KRTAP6-3: variants seen among roughly 807,000 people sequenced by gnomAD.
KRTAP6-3 encodes the protein keratin associated protein 6-3.
For missense variants in KRTAP6-3, 121 were observed against 133.1 expected, an observed-to-expected ratio of 0.91 and a Z score of 0.45; for synonymous variants, 62 against 57.5, an observed-to-expected ratio of 1.08 and a Z score of -0.36.
Position 30,592,577 on chromosome 21 carries a change from CGGAGGCCTGGGCTTTGGCTAT to C in KRTAP6-3, c.143_163del (p.Gly48_Leu54del), listed in dbSNP as rs1444785993. 6.2e-7 allele frequency: 1 copy of C among 1,611,290 alleles called. No homozygotes were observed. The highest frequency in any genetic ancestry group is 2.2e-5 in the East Asian group (1 of 44,682). On this transcript the variant is annotated inframe_deletion, in exon 1 of 1. Transcript: ENST00000391624. ...GCTGTGGCTATGGGTGCTGTGGCTA[CGGAGGCCTGGGCTTTGGCTAT>C]GGAGGCCTGGACTGTGGCTATGGAG... is the stretch of plus-strand genomic sequence containing the variant.
chr21:30,592,499 T>C lies in KRTAP6-3; in HGVS notation c.54T>C (p.Gly18=), dbSNP rs2123584936. Residue 18 remains glycine (G), a synonymous_variant, in exon 1 of 1, where the codon GGT becomes GGC. Coordinates refer to ENST00000391624, the MANE Select transcript of KRTAP6-3 (RefSeq NM_181605.4). ...GCAGCTACTACAGAAACTACAATGG[T>C]GGCCATGGCTATGGGTGCTGTGGCT... 2 of 1,613,112 alleles carry C rather than the reference T, an allele frequency of 1.2e-6. No homozygotes were observed. Among genetic ancestry groups the C allele is most frequent in the Non-Finnish European group, 1.7e-6 (2 of 1,179,484 alleles).
chr21:30,592,577 C>T lies in KRTAP6-3; in HGVS notation c.132C>T (p.Tyr44=), dbSNP rs540161429. The T allele has an allele frequency of 7.5e-5, 121 of 1,611,290 alleles. No individual in the cohort carries two copies. In the African/African-American group the frequency reaches 1.0e-3, roughly 14 times the overall value. Residue 44 remains tyrosine, a synonymous_variant, in exon 1 of 1, where the codon TAC becomes TAT. Transcript: ENST00000391624. ...GCTGTGGCTATGGGTGCTGTGGCTA[C>T]GGAGGCCTGGGCTTTGGCTATGGAG...
Position 30,592,670 on chromosome 21 carries a change from C to G in KRTAP6-3, c.225C>G (p.Gly75=). The change falls in exon 1 of 1, where the codon GGC becomes GGG. Residue 75 remains glycine (G), a synonymous_variant. Transcript: ENST00000391624. ...CCTTCTGTGGCTGTGGCTACAGAGG[C>G]CTGGACTGTGGCTATGGCTGTGGCT... is the stretch of plus-strand genomic sequence containing the variant. The G allele has an allele frequency of 6.2e-6, 10 of 1,613,840 alleles. No homozygotes were observed. The highest frequency in any genetic ancestry group is 8.5e-6 in the Non-Finnish European group (10 of 1,179,890).
In KRTAP6-3 at chr21:30,592,929, A is replaced by T; in HGVS notation, c.*151A>T. 1 of 1,397,954 alleles carries T rather than the reference A, an allele frequency of 7.2e-7. No individual in the cohort carries two copies. Among genetic ancestry groups the T allele is most frequent in the Non-Finnish European group, 9.4e-7 (1 of 1,062,782 alleles). 86.6% of individuals were successfully genotyped at this position (1,397,954 alleles called of 1,614,324 possible). ...TGTTGATCTACCATCTAACCCAAAA[A>T]TACCCTGAGTTTCCATCATGAAGTG... On this transcript the variant is annotated 3_prime_UTR_variant, in exon 1 of 1. Transcript: ENST00000391624.
the KRTAP6-3 span, chr21:30,592,734 AGGTGC>A: frequency 6.2e-7 from 1 of 1,611,612 alleles, no homozygotes; most frequent in Non-Finnish European, 8.5e-7. Flanking sequence ...CTGTGGCTAT[AGGTGC>A]GGCTCTGGCT....
In KRTAP6-3 at chr21:30,592,552, G is replaced by T. The variant is rs774586130; in HGVS notation, c.107G>T (p.Gly36Val). 1 of 1,613,242 alleles carries T rather than the reference G, an allele frequency of 6.2e-7. No homozygotes were observed. ...GGAGGCCTGGGCTGTGGTTATGGCG[G>T]CTGTGGCTATGGGTGCTGTGGCTAC... The change falls in exon 1 of 1, where the codon GGC becomes GTC. Residue 36 changes from glycine (G) to valine (V), a missense_variant. Transcript: ENST00000391624.
chr21:30,592,570 G>C lies in KRTAP6-3; in HGVS notation c.125G>C (p.Cys42Ser), dbSNP rs74715941. Reference sequence around the variant, plus strand: ...TATGGCGGCTGTGGCTATGGGTGCTGTGGCTACGGAGGCCTGGGCTTTGGC... The same window carrying C: ...TATGGCGGCTGTGGCTATGGGTGCTCTGGCTACGGAGGCCTGGGCTTTGGC... The change falls in exon 1 of 1, where the codon TGT (cysteine) becomes TCT (serine). Residue 42 changes from cysteine (C) to serine (S), a missense_variant. Coordinates refer to ENST00000391624, the MANE Select transcript of KRTAP6-3 (RefSeq NM_181605.4). 2.5e-5 allele frequency: 40 copies of C among 1,611,204 alleles called. No homozygotes were observed. The highest frequency in any genetic ancestry group is 5.0e-5 in the Admixed American group (3 of 59,772).
the KRTAP6-3 span, chr21:30,592,605 C>CTGGACTG: frequency 1.2e-6 from 2 of 1,608,780 alleles, no homozygotes; most frequent in Non-Finnish European, 1.7e-6. Flanking sequence ...CTATGGAGGC[C>CTGGACTG]TGGACTGTGG....
At position 30,592,798 on chromosome 21, in the gene KRTAP6-3, C is replaced by A; in HGVS notation, c.*20C>A. 1 of 1,558,534 alleles carries A rather than the reference C, an allele frequency of 6.4e-7. No individual in the cohort carries two copies. The highest frequency in any genetic ancestry group is 1.2e-5 in the South Asian group (1 of 83,826). On this transcript the variant is annotated 3_prime_UTR_variant, in exon 1 of 1. Coordinates refer to ENST00000391624, the MANE Select transcript of KRTAP6-3 (RefSeq NM_181605.4). ...TATTGAGGACACCATGGGAGACTCT[C>A]ACCCTCTATCCTGTGACATTGCAAT... is the stretch of plus-strand genomic sequence containing the variant.
Position 30,592,802 on chromosome 21 carries a change from C to T in KRTAP6-3, c.*24C>T. 1 of 1,548,322 alleles carries T rather than the reference C, an allele frequency of 6.5e-7. No individual in the cohort carries two copies. The highest frequency in any genetic ancestry group is 1.2e-5 in the South Asian group (1 of 82,278). On this transcript the variant is annotated 3_prime_UTR_variant, in exon 1 of 1. Transcript: ENST00000391624. ...GAGGACACCATGGGAGACTCTCACC[C>T]TCTATCCTGTGACATTGCAATTCAC...
In KRTAP6-3 at chr21:30,592,675, ACTGTGGCTATGG is replaced by A. The variant is rs768420649; in HGVS notation, c.245_256del (p.Cys82_Gly85del). 33 of 1,613,308 alleles carry A rather than the reference ACTGTGGCTATGG, an allele frequency of 2.0e-5. No homozygotes were observed. Among genetic ancestry groups the A allele is most frequent in the East Asian group, 4.5e-5 (2 of 44,832 alleles). On this transcript the variant is annotated inframe_deletion, in exon 1 of 1. Transcript: ENST00000391624. ...TGTGGCTGTGGCTACAGAGGCCTGG[ACTGTGGCTATGG>A]CTGTGGCTATGGCTATGTCTCCCAC...
chr21:30,592,679 T>C lies in KRTAP6-3; in HGVS notation c.234T>C (p.Cys78=). ...GCTGTGGCTACAGAGGCCTGGACTG[T>C]GGCTATGGCTGTGGCTATGGCTATG... Residue 78 remains cysteine, a synonymous_variant, in exon 1 of 1, where the codon TGT becomes TGC. Coordinates refer to ENST00000391624, the MANE Select transcript of KRTAP6-3 (RefSeq NM_181605.4). 1 of 1,613,696 alleles carries C rather than the reference T, an allele frequency of 6.2e-7. No homozygotes were observed. Among genetic ancestry groups the C allele is most frequent in the South Asian group, 1.1e-5 (1 of 91,052 alleles).
Position 30,592,726 on chromosome 21 carries a change from G to T in KRTAP6-3, c.281G>T (p.Cys94Phe). 1 of 1,612,378 alleles carries T rather than the reference G, an allele frequency of 6.2e-7. No homozygotes were observed. Residue 94 changes from cysteine (C) to phenylalanine (F), a missense_variant, in exon 1 of 1, where the codon TGT (cysteine) becomes TTT (phenylalanine). Transcript: ENST00000391624. The stretch of plus-strand genomic sequence containing the variant: ...TATGTCTCCCACTCCTTCTGTGGCT[G>T]TGGCTATAGGTGCGGCTCTGGCTAT...
rs113124062 is a variant in KRTAP6-3 at position 30,592,735 on chromosome 21, G to A, written c.290G>A (p.Arg97Lys). The change falls in exon 1 of 1, where the codon AGG (arginine) becomes AAG (lysine). Residue 97 changes from arginine (R) to lysine (K), a missense_variant. Coordinates refer to ENST00000391624, the MANE Select transcript of KRTAP6-3 (RefSeq NM_181605.4). ...CACTCCTTCTGTGGCTGTGGCTATAGGTGCGGCTCTGGCTATGGCTCCAGC... is the reference window on the plus strand; with the variant it reads ...CACTCCTTCTGTGGCTGTGGCTATAAGTGCGGCTCTGGCTATGGCTCCAGC... The A allele has an allele frequency of 1.2e-6, 2 of 1,611,652 alleles. No homozygotes were observed. Among genetic ancestry groups the A allele is most frequent in the Non-Finnish European group, 1.7e-6 (2 of 1,178,752 alleles).
Position 30,592,597 on chromosome 21 carries a change from A to C in KRTAP6-3, c.152A>C (p.Tyr51Ser), listed in dbSNP as rs9305426. ...GGCTACGGAGGCCTGGGCTTTGGCT[A>C]TGGAGGCCTGGACTGTGGCTATGGA... is the stretch of plus-strand genomic sequence containing the variant. The change falls in exon 1 of 1, where the codon TAT becomes TCT. Residue 51 changes from tyrosine (Y) to serine (S), a missense_variant. Physicochemically the swap from Tyr to Ser is moderately radical, Grantham distance 144. Transcript: ENST00000391624. 965,706 of 1,613,010 alleles carry C rather than the reference A, an allele frequency of 0.6. 291,952 individuals are homozygous for C. The highest frequency in any genetic ancestry group is 0.72 in the Middle Eastern group (4,361 of 6,060).
rs1465961357 is a variant in KRTAP6-3 at position 30,592,774 on chromosome 21, A to G, written c.329A>G (p.Tyr110Cys). 2 of 1,595,006 alleles carry G rather than the reference A, an allele frequency of 1.3e-6. No individual in the cohort carries two copies. Among genetic ancestry groups the G allele is most frequent in the Non-Finnish European group, 1.7e-6 (2 of 1,169,926 alleles). ...TATGGCTCCAGCTTTGGCTACTACT[A>G]TTGAGGACACCATGGGAGACTCTCA... Residue 110 changes from tyrosine to cysteine, a missense_variant, in exon 1 of 1, where the codon TAT becomes TGT. Transcript: ENST00000391624.
At position 30,592,906 on chromosome 21, in the gene KRTAP6-3, T is replaced by C. The variant is rs1482041055; in HGVS notation, c.*128T>C. On this transcript the variant is annotated 3_prime_UTR_variant, in exon 1 of 1. Transcript: ENST00000391624. ...AGTGGAAGTCTAATATGATCTGTTG[T>C]TGATCTACCATCTAACCCAAAAATA... 1 of 1,429,210 alleles carries C rather than the reference T, an allele frequency of 7.0e-7. No homozygotes were observed. Among genetic ancestry groups the C allele is most frequent in the South Asian group, 1.6e-5 (1 of 61,784 alleles). 88.5% of individuals were successfully genotyped at this position (1,429,210 alleles called of 1,614,324 possible). A position where few individuals can be genotyped will look rare whatever the true frequency, so the allele number is the denominator to read the frequency against.
rs901383687 is a variant in KRTAP6-3 at position 30,592,452 on chromosome 21, TCAA to T, written c.12_14del (p.Thr5del). ...CACTCCTTCCTACCCAAGGATGACC[TCAA>T]CAACCAACACCATGTGTGGCAGCTA... On this transcript the variant is annotated inframe_deletion, in exon 1 of 1. Coordinates refer to ENST00000391624, the MANE Select transcript of KRTAP6-3 (RefSeq NM_181605.4). The T allele has an allele frequency of 6.9e-6, 11 of 1,594,056 alleles. No individual in the cohort carries two copies. In the African/African-American group the frequency reaches 8.0e-5, roughly 12 times the overall value.
rs1980086196 is a variant in KRTAP6-3 at position 30,592,999 on chromosome 21, A to G, written c.*221A>G. The G allele has an allele frequency of 2.2e-6, 2 of 898,900 alleles. No individual in the cohort carries two copies. The highest frequency in any genetic ancestry group is 1.7e-5 in the African/African-American group (1 of 59,726). 55.7% of individuals were successfully genotyped at this position (898,900 alleles called of 1,614,324 possible). Reference sequence around the variant, plus strand: ...TGTCACTTCTCCTTTTATCAGGATGATGGTGTCACAGTGACTCCTTTGATG... The same window carrying G: ...TGTCACTTCTCCTTTTATCAGGATGGTGGTGTCACAGTGACTCCTTTGATG... On this transcript the variant is annotated 3_prime_UTR_variant, in exon 1 of 1. Coordinates refer to ENST00000391624, the MANE Select transcript of KRTAP6-3 (RefSeq NM_181605.4).
Sources: allele counts gnomAD v4.1 joint callset, GRCh38; gene constraint gnomAD v4.1.1; transcripts MANE v1.5; gene names NCBI Gene and HGNC (gene_info 2026-07-23, HGNC 2026-07-21).